PHKB: variants seen among roughly 807,000 people sequenced by gnomAD.
PHKB encodes phosphorylase b kinase regulatory subunit beta.
In PHKB, 122 loss-of-function variants were observed where a neutral mutation model predicts 152.1. The observed-to-expected ratio is 0.80, with a 90% CI of 0.69 to 0.93. The LOEUF is 0.93. Among genes scored for constraint, PHKB ranks in the 40% least tolerant of loss-of-function variants. The pLI, the probability that PHKB is intolerant of heterozygous loss-of-function variation, is 0.00. For missense variants in PHKB, 1,304 were observed against 1,328.4 expected, an observed-to-expected ratio of 0.98 and a Z score of 0.29; for synonymous variants, 436 against 464.9, an observed-to-expected ratio of 0.94 and a Z score of 0.80.
At chr16:47,552,086 G>A (rs558756027) in intron 7 of PHKB, among the ~76,000 whole-genome samples, 11 of 151,874 alleles carry the variant, frequency 7.2e-5, no homozygotes, top group South Asian at 4.2e-4. Context: ...TCCTCCATCC[G>A]TTTATTTTGA....
chr16:47,602,735 T>G (rs1235695659), intron 13 of PHKB, among the ~76,000 whole-genome samples: 1 of 152,130 alleles, frequency 6.6e-6, no homozygotes, highest in Non-Finnish European at 1.5e-5. Context: ...TTATAAGGAT[T>G]AGCTGGTAAG....
intron 28 of PHKB, among the ~76,000 whole-genome samples, chr16:47,695,711 T>A (rs1030935075): frequency 3.3e-5 from 5 of 152,244 alleles, no homozygotes; most frequent in Non-Finnish European, 7.3e-5. Flanking sequence ...AAGCCTAATG[T>A]TCAGAGCCTT....
intron 4 of PHKB, among the ~76,000 whole-genome samples, chr16:47,510,818 ACTTATTTCT>A (rs1243252948): frequency 2.6e-5 from 4 of 152,224 alleles, no homozygotes; most frequent in Non-Finnish European, 2.9e-5. Context: ...TATTATCATC[ACTTATTTCT>A]CTTATTTCTC....
chr16:47,677,836 G>A (rs1213459157), intron 26 of PHKB, among the ~76,000 whole-genome samples: 1 of 150,908 alleles, frequency 6.6e-6, no homozygotes, highest in Non-Finnish European at 1.5e-5. Flanking sequence ...TGTTACATAT[G>A]TATAGATCTG....
At chr16:47,637,648 C>A (rs924908285) in intron 14 of PHKB, among the ~76,000 whole-genome samples, 3 of 151,982 alleles carry the variant, frequency 2.0e-5, no homozygotes, top group African/African-American at 7.3e-5. Context: ...TTATGTATCT[C>A]CAAAGACAGG....
chr16:47,570,064 C>A (rs1039644528), intron 7 of PHKB, among the ~76,000 whole-genome samples: 4 of 152,226 alleles, frequency 2.6e-5, no homozygotes, highest in African/African-American at 9.6e-5. Context: ...TTGCTCTGTG[C>A]AGAATTCTTG....
intron 14 of PHKB, among the ~76,000 whole-genome samples, chr16:47,634,201 C>T: frequency 6.6e-6 from 1 of 152,192 alleles, no homozygotes; most frequent in Non-Finnish European, 1.5e-5. Flanking sequence ...GGTTAAGTGA[C>T]ATAGTGAGTC....
chr16:47,620,023 C>A (rs1972589812), intron 14 of PHKB, among the ~76,000 whole-genome samples: 2 of 152,116 alleles, frequency 1.3e-5, no homozygotes, highest in African/African-American at 4.8e-5. Flanking sequence ...ACACCTAATA[C>A]CTTTTTAAAT....
chr16:47,668,785 G>A (rs992502347), intron 25 of PHKB, among the ~76,000 whole-genome samples: 23 of 152,162 alleles, frequency 1.5e-4, no homozygotes, highest in Non-Finnish European at 7.3e-5. Context: ...TGAGGCAAAA[G>A]GATCTGCCTG....
rs1166677023 is a variant in PHKB at position 47,524,134 on chromosome 16, T to C, written c.594+8533T>C. ...GTATGCTCTTGTTGAATTTCCGGAG[T>C]TCTGAAAAAGTTTGATGAGTTTTGT... is the stretch of plus-strand genomic sequence containing the variant. On this transcript the variant is annotated intron_variant, in intron 6 of 30. Transcript: ENST00000323584. Among the ~76,000 whole-genome samples, 3 of 152,148 alleles carry C rather than the reference T, an allele frequency of 2.0e-5. No individual in the cohort carries two copies. The East Asian group carries it at 5.8e-4, about 29-fold the overall frequency.
chr16:47,642,025 A>G (rs140649324), intron 16 of PHKB, among the ~76,000 whole-genome samples: 1 of 152,006 alleles, frequency 6.6e-6, no homozygotes, highest in African/African-American at 2.4e-5. Flanking sequence ...AATTATTCTT[A>G]TATTTTGATT....
chr16:47,501,029 C>T (rs1175961925), intron 3 of PHKB, among the ~76,000 whole-genome samples: 1 of 152,150 alleles, frequency 6.6e-6, no homozygotes, highest in East Asian at 1.9e-4. Context: ...AAAAGCATTT[C>T]CTTACATATT....
At position 47,511,862 on chromosome 16, in the gene PHKB, T is replaced by C. The variant is rs551898696; in HGVS notation, c.513+90T>C. On this transcript the variant is annotated intron_variant, in intron 5 of 30. Coordinates refer to ENST00000323584, the MANE Select transcript of PHKB (RefSeq NM_000293.3). ...TTTTTGGCACCAGGGACTAGTTTTG[T>C]GGAAAACAAGTTTTCCACGGATGGG... The C allele has an allele frequency of 1.4e-4, 120 of 880,326 alleles. No individual in the cohort carries two copies. The African/African-American group carries it at 1.8e-3, about 13-fold the overall frequency. 54.5% of individuals were successfully genotyped at this position (880,326 alleles called of 1,614,324 possible). A position where few individuals can be genotyped will look rare whatever the true frequency, so the allele number is the denominator to read the frequency against.
chr16:47,588,773 T>C (rs1971977404), intron 9 of PHKB, 132 bp from the exon 10 acceptor site: 1 of 745,544 alleles, frequency 1.3e-6, no homozygotes, highest in African/African-American at 1.7e-5. Flanking sequence ...AACATCTGTC[T>C]GATCCTGGGA....
At position 47,499,799 on chromosome 16, in the gene PHKB, C is replaced by G; in HGVS notation, c.210C>G (p.Leu70=). The G allele has an allele frequency of 6.2e-7, 1 of 1,614,204 alleles. No individual in the cohort carries two copies. The highest frequency in any genetic ancestry group is 2.2e-5 in the East Asian group (1 of 44,882). ...TGTATCAAAGTCCAACTACCGGTCT[C>G]TTTCCCACTAAAACATGCGGTGGTG... ...LLLYQSPTTG[L]FPTKTCGGDQ... Residue 70 remains leucine (L), a synonymous_variant, in exon 3 of 31, where the codon CTC becomes CTG. Coordinates refer to ENST00000323584, the MANE Select transcript of PHKB (RefSeq NM_000293.3).
chr16:47,683,859 G>A (rs752523605), intron 26 of PHKB, among the ~76,000 whole-genome samples: 21 of 152,168 alleles, frequency 1.4e-4, no homozygotes, highest in Non-Finnish European at 1.5e-4. Flanking sequence ...CATCGCTCAC[G>A]CTGGGAACTG....
intron 8 of PHKB, among the ~76,000 whole-genome samples, chr16:47,582,005 G>A (rs1971856603): frequency 6.6e-6 from 1 of 152,192 alleles, no homozygotes; most frequent in Non-Finnish European, 1.5e-5. Flanking sequence ...TATTTATGAA[G>A]TAATAGTAAT....
intron 8 of PHKB, among the ~76,000 whole-genome samples, chr16:47,586,389 C>T (rs916433149): frequency 6.6e-6 from 1 of 152,138 alleles, no homozygotes; most frequent in African/African-American, 2.4e-5. Flanking sequence ...GACAGTTTAC[C>T]ATTCATCTGG....
intron 27 of PHKB, among the ~76,000 whole-genome samples, chr16:47,689,547 A>G (rs1974024492): frequency 6.6e-6 from 1 of 152,170 alleles, no homozygotes; most frequent in Admixed American, 6.5e-5. Flanking sequence ...GTTTGGTAAC[A>G]TTATTTAAAT....
Sources: allele counts gnomAD v4.1 joint callset (sites outside exome capture counted in the v4.1 genomes callset), GRCh38; gene constraint gnomAD v4.1.1; transcripts MANE v1.5; gene names NCBI Gene and HGNC (gene_info 2026-07-23, HGNC 2026-07-21).